MYO18A: variants seen among roughly 807,000 people sequenced by gnomAD.
MYO18A encodes the protein unconventional myosin-XVIIIa.
In MYO18A, 78 loss-of-function variants were observed where a neutral mutation model predicts 235.8. The observed-to-expected ratio is 0.33, with a 90% CI of 0.28 to 0.40. MYO18A has a LOEUF of 0.40. Among genes scored for constraint, MYO18A ranks in the 10% least tolerant of loss-of-function variants. MYO18A has a pLI of 1.00. For missense variants in MYO18A, 2,215 were observed against 2,699.3 expected (o/e 0.82, Z 3.98); for synonymous variants, 977 against 1,077.8 (o/e 0.91, Z 1.83).
intron 2 of MYO18A, among the ~76,000 whole-genome samples, chr17:29,159,982 A>C (rs2068139169): frequency 6.6e-6 from 1 of 152,226 alleles, no homozygotes; most frequent in Non-Finnish European, 1.5e-5. Flanking sequence ...CTAGGGCTAC[A>C]GGAAAATCCA....
intron 1 of MYO18A, among the ~76,000 whole-genome samples, chr17:29,176,969 C>G (rs2068547799): frequency 6.6e-6 from 1 of 152,226 alleles, no homozygotes; most frequent in African/African-American, 2.4e-5. Flanking sequence ...CATGGAGGAA[C>G]GCGAGCGGGA....
At chr17:29,095,286 C>T (rs946664794) in intron 28 of MYO18A, among the ~76,000 whole-genome samples, 1 of 152,142 alleles carries the variant, frequency 6.6e-6, no homozygotes, top group Admixed American at 6.5e-5. Context: ...TCAGGTGAGC[C>T]CTTTCACCAA....
intron 20 of MYO18A, among the ~76,000 whole-genome samples, chr17:29,104,299 A>C (rs1037783129): frequency 3.3e-5 from 5 of 152,222 alleles, no homozygotes; most frequent in African/African-American, 7.2e-5. Flanking sequence ...AGCCTGGCCC[A>C]AGGGAAAGAG....
rs1218545667 is a variant in MYO18A at position 29,120,765 on chromosome 17, A to C, written c.1586-7T>G. 6.2e-7 allele frequency: 1 copy of C among 1,612,202 alleles called. No individual in the cohort carries two copies. Among genetic ancestry groups the C allele is most frequent in the Non-Finnish European group, 8.5e-7 (1 of 1,178,956 alleles). On this transcript the variant is annotated splice_polypyrimidine_tract_variant and splice_region_variant and intron_variant, in intron 6 of 41. Transcript: ENST00000527372. This position sits in a 1 kb window ranked among gnomAD's most constrained non-coding sequence, Gnocchi z 4.2. The stretch of plus-strand genomic sequence containing the variant: ...AGAGCCTGCCACTTCTCCACTGCAG[A>C]ATACAGGCCCAAGGGGATATCAGGA...
intron 13 of MYO18A, 92 bp downstream of exon 13, chr17:29,115,259 G>A (rs1159236449): frequency 6.7e-7 from 1 of 1,490,990 alleles, no homozygotes; most frequent in Non-Finnish European, 9.2e-7. Flanking sequence ...CCTGCTGGAA[G>A]AGACCGGCTC....
intron 7 of MYO18A, 22 bp from the exon 8 acceptor site, chr17:29,119,457 T>G: frequency 6.3e-7 from 1 of 1,588,762 alleles, no homozygotes; most frequent in Non-Finnish European, 8.6e-7. Context: ...CATGGACGTG[T>G]GGGTAAGGAG....
At position 29,142,221 on chromosome 17, in the gene MYO18A, T is replaced by A. The variant is rs139595312; in HGVS notation, c.1000-19968A>T. ...TGCTGGAATTACAGGCGTGAGCCAC[T>A]GCGCCTGGCTGGACACTGGGATTTT... On this transcript the variant is annotated intron_variant, in intron 2 of 41. Coordinates refer to ENST00000527372, the MANE Select transcript of MYO18A (RefSeq NM_078471.4). 2.2e-3 allele frequency among the ~76,000 whole-genome samples: 330 copies of A among 152,324 alleles called. 1 individual carries two copies. The highest frequency in any genetic ancestry group is 7.3e-3 in the African/African-American group (302 of 41,566).
chr17:29,134,683 C>T (rs563768355), intron 2 of MYO18A, among the ~76,000 whole-genome samples: 2 of 151,980 alleles, frequency 1.3e-5, no homozygotes, highest in East Asian at 1.9e-4. Flanking sequence ...CTACCACGCC[C>T]GGCTAATTTC....
In MYO18A at chr17:29,122,256, G is replaced by T. The variant is rs1242195159; in HGVS notation, c.1000-3C>A. 2.5e-6 allele frequency: 4 copies of T among 1,609,564 alleles called. No individual in the cohort carries two copies. Among genetic ancestry groups the T allele is most frequent in the Non-Finnish European group, 3.4e-6 (4 of 1,177,962 alleles). ...GCAATCTGTTCTTCTGTTTTCGCCT[G>T]TCAGAGAGAGAGAAGAATAAACAGG... On this transcript the variant is annotated splice_region_variant and splice_polypyrimidine_tract_variant and intron_variant, in intron 2 of 41. Transcript: ENST00000527372.
intron 2 of MYO18A, among the ~76,000 whole-genome samples, chr17:29,150,323 G>A (rs2067939873): frequency 6.6e-6 from 1 of 152,208 alleles, no homozygotes; most frequent in South Asian, 2.1e-4. Flanking sequence ...TAACAGCCTG[G>A]GCCAAATCCA....
At position 29,085,666 on chromosome 17, in the gene MYO18A, A is replaced by C; in HGVS notation, c.5853-18T>G. On this transcript the variant is annotated intron_variant, in intron 39 of 41. Coordinates refer to ENST00000527372, the MANE Select transcript of MYO18A (RefSeq NM_078471.4). Reference sequence around the variant, plus strand: ...CCTGCAAACTGGAAATAGAAGGAAAATGGTGGGCAAGGGGTCCAGAGGAAA... The same window carrying C: ...CCTGCAAACTGGAAATAGAAGGAAACTGGTGGGCAAGGGGTCCAGAGGAAA... The C allele has an allele frequency of 3.7e-6, 6 of 1,613,948 alleles. No individual in the cohort carries two copies. The highest frequency in any genetic ancestry group is 4.2e-6 in the Non-Finnish European group (5 of 1,179,792).
Position 29,095,017 on chromosome 17 carries a change from C to T in MYO18A, c.4428G>A (p.Arg1476=), listed in dbSNP as rs745797391. 1.9e-6 allele frequency: 3 copies of T among 1,578,846 alleles called. No individual in the cohort carries two copies. In the South Asian group the frequency reaches 3.4e-5, roughly 18 times the overall value. ...GCAGCTTCTCCCGCTGCAGCTTCTC[C>T]CGCTGGGCCTCCTCATGCGCCTGCG... The part of the protein sequence containing the change: ...ELSQAHEEAQ[R]EKLQREKLQR... Residue 1476 remains arginine (R), a synonymous_variant, in exon 29 of 42, where the codon CGG becomes CGA. Coordinates refer to ENST00000527372, the MANE Select transcript of MYO18A (RefSeq NM_078471.4).
rs1374247842 is a variant in MYO18A, at chr17:29,110,106, C to T, written c.3088-5G>A. On this transcript the variant is annotated splice_region_variant and splice_polypyrimidine_tract_variant and intron_variant, in intron 18 of 41. Coordinates refer to ENST00000527372, the MANE Select transcript of MYO18A (RefSeq NM_078471.4). ...GATGGTGTCGATGAGGGCGTCCTGC[C>T]GAGGGGAAGAGACTGCCCTCAGTGG... 2 of 1,607,940 alleles carry T rather than the reference C, an allele frequency of 1.2e-6. No individual in the cohort carries two copies. The highest frequency in any genetic ancestry group is 1.7e-6 in the Non-Finnish European group (2 of 1,179,150).
intron 22 of MYO18A, 93 bp downstream of exon 22, chr17:29,099,541 T>C: frequency 6.7e-7 from 1 of 1,487,986 alleles, no homozygotes; most frequent in Non-Finnish European, 9.0e-7. Flanking sequence ...CCTGGGAGGT[T>C]CCTGCCTCTT....
chr17:29,096,934 T>G lies in MYO18A; in HGVS notation c.4231-19A>C, dbSNP rs547537369. On this transcript the variant is annotated intron_variant, in intron 27 of 41. Transcript: ENST00000527372. ...CCCCGAGCTAGGGGCCAAGATGGGGTGCATATACAGAGAGACCCAGAAGCA... is the reference window on the plus strand; with the variant it reads ...CCCCGAGCTAGGGGCCAAGATGGGGGGCATATACAGAGAGACCCAGAAGCA... 2 of 1,539,004 alleles carry G rather than the reference T, an allele frequency of 1.3e-6. No homozygotes were observed. The highest frequency in any genetic ancestry group is 1.8e-6 in the Non-Finnish European group (2 of 1,142,048).
intron 2 of MYO18A, chr17:29,128,444 G>A (rs2067379265): frequency 7.8e-7 from 1 of 1,289,532 alleles, no homozygotes; most frequent in Non-Finnish European, 1.0e-6. Context: ...GAGTGTGGGT[G>A]CAGGGCTCCT....
At position 29,152,080 on chromosome 17, in the gene MYO18A, C is replaced by T. The variant is rs866111435; in HGVS notation, c.999+13862G>A. On this transcript the variant is annotated intron_variant, in intron 2 of 41. Transcript: ENST00000527372. ...GGGTCTGACCACTGTTGTGTTCCGT[C>T]ACAGAGACTTCACTGGAGAGGTTTT... Among the ~76,000 whole-genome samples, 20 of 152,280 alleles carry T rather than the reference C, an allele frequency of 1.3e-4. No homozygotes were observed. In the Middle Eastern group the frequency reaches 0.01, roughly 78 times the overall value.
At chr17:29,147,215 T>C (rs2067867025) in intron 2 of MYO18A, among the ~76,000 whole-genome samples, 1 of 152,180 alleles carries the variant, frequency 6.6e-6, no homozygotes, top group Non-Finnish European at 1.5e-5. Flanking sequence ...ATTTAACCTG[T>C]GCCTTAAGAA....
chr17:29,128,189 G>A, intron 2 of MYO18A: 2 of 1,154,974 alleles, frequency 1.7e-6, no homozygotes, highest in Non-Finnish European at 2.2e-6. Flanking sequence ...AGGCGGAGCA[G>A]GGGGAGGTGG....
Sources: gnomAD v4.1 joint callset for allele counts (sites outside exome capture counted in the v4.1 genomes callset) on GRCh38, gnomAD v4.1.1 for gene constraint, Gnocchi (gnomAD v3.1) non-coding constraint, MANE v1.5 for transcripts, NCBI Gene and HGNC (gene_info 2026-07-23, HGNC 2026-07-21) for gene names.